Variants in CMTM7 observed in about 807,000 individuals in gnomAD.
The protein encoded by CMTM7 is CKLF like MARVEL transmembrane domain containing 7.
Under a neutral mutation model 19.3 loss-of-function variants are expected in CMTM7, and 7 were observed. The observed-to-expected ratio is 0.36, with a 90% CI of 0.21 to 0.68. CMTM7 has a LOEUF of 0.68. Among genes scored for constraint, CMTM7 ranks in the 30% least tolerant of loss-of-function variants. CMTM7 has a pLI of 0.60. For synonymous variants in CMTM7, 87 were observed against 99.3 expected, an observed-to-expected ratio of 0.88 and a Z score of 0.74; for missense variants, 193 against 232.6, an observed-to-expected ratio of 0.83 and a Z score of 1.11.
intron 4 of CMTM7, 78 bp from the exon 5 acceptor site, chr3:32,454,163 G>T: frequency 6.7e-7 from 1 of 1,484,356 alleles, no homozygotes; most frequent in Non-Finnish European, 9.1e-7. Context: ...GCAGAACTTG[G>T]AGTCAAACCT....
chr3:32,419,007 G>A (rs1009830754), intron 1 of CMTM7, among the ~76,000 whole-genome samples: 1 of 152,116 alleles, frequency 6.6e-6, no homozygotes, highest in Admixed American at 6.5e-5. Flanking sequence ...ATAATATCAT[G>A]AATTAATAAT....
chr3:32,444,600 A>T (rs1282857140), intron 2 of CMTM7, among the ~76,000 whole-genome samples: 1 of 152,250 alleles, frequency 6.6e-6, no homozygotes, highest in Non-Finnish European at 1.5e-5. Context: ...TGGGATTATA[A>T]TAGGAATTAT....
intron 1 of CMTM7, among the ~76,000 whole-genome samples, chr3:32,397,574 A>T (rs1695937248): frequency 6.6e-6 from 1 of 151,590 alleles, no homozygotes; most frequent in Non-Finnish European, 1.5e-5. Flanking sequence ...CTCTACTAAA[A>T]ATACAAAATA....
At chr3:32,436,548 G>A (rs1272314842) in intron 1 of CMTM7, among the ~76,000 whole-genome samples, 1 of 152,118 alleles carries the variant, frequency 6.6e-6, no homozygotes, top group Non-Finnish European at 1.5e-5. Flanking sequence ...GGGATTTCCT[G>A]GAAAGCCTCT....
chr3:32,396,201 A>G (rs1403078834), intron 1 of CMTM7, among the ~76,000 whole-genome samples: 1 of 151,992 alleles, frequency 6.6e-6, no homozygotes, highest in African/African-American at 2.4e-5. Context: ...GGGTGATGAA[A>G]ATGTTCAAAA....
chr3:32,391,853 A>C lies in CMTM7; in HGVS notation c.-54A>C. 5 of 879,258 alleles carry C rather than the reference A, an allele frequency of 5.7e-6. No individual in the cohort carries two copies. Among genetic ancestry groups the C allele is most frequent in the East Asian group, 4.3e-5 (1 of 23,158 alleles). The allele number at this position is 879,258 out of a possible 1,614,324, so 54.5% of individuals were successfully genotyped here. On this transcript the variant is annotated 5_prime_UTR_variant, in exon 1 of 5. Coordinates refer to ENST00000334983, the MANE Select transcript of CMTM7 (RefSeq NM_138410.4). ...CGCCCGCCCCCGGCCCGCCCTCTGT[A>C]TCTGGCCCCTGGGCAGCTGCCCGGG... is the stretch of plus-strand genomic sequence containing the variant.
chr3:32,407,691 G>A (rs531500125), intron 1 of CMTM7, among the ~76,000 whole-genome samples: 18 of 152,294 alleles, frequency 1.2e-4, no homozygotes, highest in East Asian at 1.2e-3. Context: ...CAAGCAGTGC[G>A]TCTTGTTTTC....
At chr3:32,422,104 T>A (rs1696353016) in intron 1 of CMTM7, among the ~76,000 whole-genome samples, 1 of 152,206 alleles carries the variant, frequency 6.6e-6, no homozygotes, top group Non-Finnish European at 1.5e-5. Context: ...CACTCATACT[T>A]CCTTCCCCAG....
intron 1 of CMTM7, among the ~76,000 whole-genome samples, chr3:32,424,548 C>G (rs781460745): frequency 6.6e-6 from 1 of 152,126 alleles, no homozygotes; most frequent in Non-Finnish European, 1.5e-5. Flanking sequence ...ACCCCATTAC[C>G]AAGGCCAAAG....
chr3:32,427,022 A>G (rs1241012160), intron 1 of CMTM7, among the ~76,000 whole-genome samples: 2 of 152,246 alleles, frequency 1.3e-5, no homozygotes, highest in Middle Eastern at 3.2e-3. Context: ...CTAATAGAGT[A>G]TATGATCACT....
At chr3:32,433,766 A>T (rs977690901) in intron 1 of CMTM7, among the ~76,000 whole-genome samples, 9 of 152,190 alleles carry the variant, frequency 5.9e-5, no homozygotes, top group Non-Finnish European at 1.2e-4. Flanking sequence ...TCATTCACCC[A>T]GTGTTGAAGT....
chr3:32,437,078 C>A (rs1696608539), intron 1 of CMTM7, among the ~76,000 whole-genome samples: 1 of 152,196 alleles, frequency 6.6e-6, no homozygotes, highest in Non-Finnish European at 1.5e-5. Flanking sequence ...TTTCTCAGAT[C>A]ATGTCAGCTT....
intron 1 of CMTM7, among the ~76,000 whole-genome samples, chr3:32,396,246 C>T (rs1198335981): frequency 6.6e-6 from 1 of 151,974 alleles, no homozygotes; most frequent in Non-Finnish European, 1.5e-5. Flanking sequence ...TGGGTCATGC[C>T]TGTAATCCCA....
chr3:32,444,264 C>A (rs945636052), intron 2 of CMTM7, among the ~76,000 whole-genome samples: 5 of 152,128 alleles, frequency 3.3e-5, no homozygotes, highest in African/African-American at 9.7e-5. Flanking sequence ...CAATTTCATT[C>A]TATTGCATGT....
chr3:32,405,441 A>G (rs1366624232), intron 1 of CMTM7, among the ~76,000 whole-genome samples: 1 of 152,232 alleles, frequency 6.6e-6, no homozygotes, highest in African/African-American at 2.4e-5. Context: ...GTCACATGTC[A>G]TTAGATTCCT....
chr3:32,445,705 A>G (rs1399904720), intron 2 of CMTM7, among the ~76,000 whole-genome samples: 12 of 151,650 alleles, frequency 7.9e-5, no homozygotes, highest in Non-Finnish European at 1.6e-4. Flanking sequence ...TGGTAGAGAT[A>G]AGGTCTCCCT....
rs138425299 is a variant in CMTM7, at chr3:32,401,083, C to A, written c.159+9018C>A. ...AAGTGTGATAGTAATAGTATTTAAG[C>A]TGTAATCATATTTTTGGTGTCTGAT... On this transcript the variant is annotated intron_variant, in intron 1 of 4. Coordinates refer to ENST00000334983, the MANE Select transcript of CMTM7 (RefSeq NM_138410.4). Among the ~76,000 whole-genome samples the A allele has an allele frequency of 4.7e-3, 708 of 152,254 alleles. 11 individuals are homozygous for A. Among genetic ancestry groups the A allele is most frequent in the Admixed American group, 0.037 (572 of 15,294 alleles).
rs116202756 is a variant in CMTM7 at position 32,418,615 on chromosome 3, A to G, written c.160-23225A>G. On this transcript the variant is annotated intron_variant, in intron 1 of 4. Transcript: ENST00000334983. The stretch of plus-strand genomic sequence containing the variant: ...TGGGCCAGGGGTCGTTGTTTTATAT[A>G]TGGATATCAAGTTTTTCTAGCACTA... 3.4e-3 allele frequency among the ~76,000 whole-genome samples: 517 copies of G among 152,316 alleles called. 7 individuals carry two copies. The highest frequency in any genetic ancestry group is 0.011 in the African/African-American group (477 of 41,556).
chr3:32,454,625 A>C lies in CMTM7; in HGVS notation c.*371A>C, dbSNP rs1342052623. The C allele has an allele frequency of 4.9e-6, 2 of 406,462 alleles. No individual in the cohort carries two copies. The highest frequency in any genetic ancestry group is 9.4e-6 in the Non-Finnish European group (2 of 212,166). The allele number at this position is 406,462 out of a possible 1,614,324, so 25.2% of individuals were successfully genotyped here. A position where few individuals can be genotyped will look rare whatever the true frequency, so the allele number is the denominator to read the frequency against. ...TCCCTTCTACTTCACTCCTCAGGGGAGTGAAGTGCCTTAAGAAACAAAGCC... is the reference window on the plus strand; with the variant it reads ...TCCCTTCTACTTCACTCCTCAGGGGCGTGAAGTGCCTTAAGAAACAAAGCC... On this transcript the variant is annotated 3_prime_UTR_variant, in exon 5 of 5. Coordinates refer to ENST00000334983, the MANE Select transcript of CMTM7 (RefSeq NM_138410.4).
Sources: allele counts gnomAD v4.1 joint callset (sites outside exome capture counted in the v4.1 genomes callset), GRCh38; gene constraint gnomAD v4.1.1; transcripts MANE v1.5; gene names NCBI Gene and HGNC (gene_info 2026-07-23, HGNC 2026-07-21).